ANKRD50: variants seen among roughly 807,000 people sequenced by gnomAD.
The protein encoded by ANKRD50 is ankyrin repeat domain-containing protein 50.
In ANKRD50, 40 loss-of-function variants were observed where a neutral mutation model predicts 112.0. The observed-to-expected ratio is 0.36, with a 90% CI of 0.28 to 0.46. ANKRD50 has a LOEUF of 0.46. Among genes scored for constraint, ANKRD50 ranks in the 20% least tolerant of loss-of-function variants. ANKRD50 has a pLI of 1.00. For synonymous variants in ANKRD50, 613 were observed against 619.1 expected (o/e 0.99, Z 0.15); for missense variants, 1,487 against 1,701.7 (o/e 0.87, Z 2.22).
intron 2 of ANKRD50, among the ~76,000 whole-genome samples, chr4:124,687,828 T>A (rs1266446225): frequency 6.6e-6 from 1 of 152,162 alleles, no homozygotes; most frequent in African/African-American, 2.4e-5. Flanking sequence ...TAGACACCTA[T>A]TAGAATTGTG....
chr4:124,686,408 G>T lies in ANKRD50; in HGVS notation c.513-7503C>A, dbSNP rs887090017. 2.6e-5 allele frequency among the ~76,000 whole-genome samples: 4 copies of T among 152,074 alleles called. No individual in the cohort carries two copies. In the East Asian group the frequency reaches 7.7e-4, roughly 29 times the overall value. On this transcript the variant is annotated intron_variant, in intron 2 of 4. Transcript: ENST00000504087. ...CCACTGATAAAGAGCGTTCACACTC[G>T]CTTGCTGCCTTTTCTCTACTGACCC...
Position 124,665,413 on chromosome 4 carries a change from A to C in ANKRD50, c.*2105T>G, listed in dbSNP as rs1473519526. The C allele has an allele frequency of 1.3e-5, 2 of 152,366 alleles. No individual in the cohort carries two copies. The highest frequency in any genetic ancestry group is 1.5e-5 in the Non-Finnish European group (1 of 67,864). 9.4% of individuals were successfully genotyped at this position (152,366 alleles called of 1,614,324 possible). On this transcript the variant is annotated 3_prime_UTR_variant, in exon 5 of 5. Transcript: ENST00000504087. ...CTTCGCCCTTTGGACACAAGGTGCA[A>C]TTTTGTAAAAACAATAAAATTAAAT...
intron 2 of ANKRD50, among the ~76,000 whole-genome samples, chr4:124,699,328 C>T (rs1725335292): frequency 6.6e-6 from 1 of 151,568 alleles, no homozygotes; most frequent in South Asian, 2.1e-4. Flanking sequence ...CACTGAAATG[C>T]TTCAGGGGAT....
intron 2 of ANKRD50, among the ~76,000 whole-genome samples, chr4:124,680,664 A>C (rs777984682): frequency 1.3e-4 from 20 of 152,192 alleles, no homozygotes; most frequent in Non-Finnish European, 2.4e-4. Context: ...AGAGAACACA[A>C]TATACTAGAA....
chr4:124,689,823 A>G (rs1175205279), intron 2 of ANKRD50, among the ~76,000 whole-genome samples: 1 of 152,182 alleles, frequency 6.6e-6, no homozygotes, highest in East Asian at 1.9e-4. Flanking sequence ...ATCTCTTTTA[A>G]TACATATATG....
In ANKRD50 at chr4:124,691,498, C is replaced by CAAAAA. The variant is rs71583369; in HGVS notation, c.513-12598_513-12594dup. Among the ~76,000 whole-genome samples, 42 of 59,762 alleles carry CAAAAA rather than the reference C, an allele frequency of 7.0e-4. 4 individuals are homozygous for CAAAAA. Among genetic ancestry groups the CAAAAA allele is most frequent in the East Asian group, 3.3e-3 (5 of 1,494 alleles). The allele number at this position is 59,762 out of a possible 152,430, so 39.2% of individuals were successfully genotyped here. A position where few individuals can be genotyped will look rare whatever the true frequency, so the allele number is the denominator to read the frequency against. On this transcript the variant is annotated intron_variant, in intron 2 of 4. Coordinates refer to ENST00000504087, the MANE Select transcript of ANKRD50 (RefSeq NM_020337.3). ...TGGGCGACAGAGCGAGACTCCGTCT[C>CAAAAA]AAAAAAAAAAAAAAAAAAAAAAAAA...
intron 2 of ANKRD50, among the ~76,000 whole-genome samples, chr4:124,695,357 A>C (rs1007291742): frequency 6.6e-6 from 1 of 152,214 alleles, no homozygotes; most frequent in Non-Finnish European, 1.5e-5. Context: ...TTAGTTACAG[A>C]CTAAGAATCA....
At position 124,664,257 on chromosome 4, in the gene ANKRD50, G is replaced by C. The variant is rs917527713; in HGVS notation, c.*3261C>G. On this transcript the variant is annotated 3_prime_UTR_variant, in exon 5 of 5. Coordinates refer to ENST00000504087, the MANE Select transcript of ANKRD50 (RefSeq NM_020337.3). ...ATATAATCAGTCACGGGGGGGAAAA[G>C]AACATTAAGTCTTTAAAAAGGCTTA... 3 of 151,406 alleles carry C rather than the reference G, an allele frequency of 2.0e-5. No individual in the cohort carries two copies. Among genetic ancestry groups the C allele is most frequent in the African/African-American group, 7.3e-5 (3 of 41,208 alleles). The allele number at this position is 151,406 out of a possible 1,614,324, so 9.4% of individuals were successfully genotyped here.
rs1730652997 is a variant in ANKRD50, at chr4:124,671,531, G to A, written c.1746C>T (p.Leu582=). The A allele has an allele frequency of 1.2e-6, 2 of 1,613,778 alleles. No individual in the cohort carries two copies. Among genetic ancestry groups the A allele is most frequent in the African/African-American group, 1.3e-5 (1 of 74,980 alleles). The change falls in exon 4 of 5, where the codon CTC becomes CTT. Residue 582 remains leucine, a synonymous_variant. Coordinates refer to ENST00000504087, the MANE Select transcript of ANKRD50 (RefSeq NM_020337.3). ...EIEDAHGHTP[L]TLAARQGHTK... is the part of the protein sequence containing the mutation. ...TATGTCCCTGTCTAGCCGCTAGAGTGAGTGGTGTATGTCCATGAGCATCTT... is the reference window on the plus strand; with the variant it reads ...TATGTCCCTGTCTAGCCGCTAGAGTAAGTGGTGTATGTCCATGAGCATCTT...
chr4:124,683,535 G>GT (rs1724939243), intron 2 of ANKRD50, among the ~76,000 whole-genome samples: 1 of 151,324 alleles, frequency 6.6e-6, no homozygotes, highest in African/African-American at 2.4e-5. Context: ...TTCTATTTAT[G>GT]TACCCCTTCA....
rs780916344 is a variant in ANKRD50 at position 124,672,544 on chromosome 4, A to C, written c.743-10T>G. 1.1e-5 allele frequency: 17 copies of C among 1,546,498 alleles called. No individual in the cohort carries two copies. The Admixed American group carries it at 3.6e-4, about 33-fold the overall frequency. ...CTTATTTTTCGAAAACCTAAAGAAGAGATAAAAAAGTAGATGTAATCAGTT... is the reference window on the plus strand; with the variant it reads ...CTTATTTTTCGAAAACCTAAAGAAGCGATAAAAAAGTAGATGTAATCAGTT... On this transcript the variant is annotated splice_polypyrimidine_tract_variant and intron_variant, in intron 3 of 4. Transcript: ENST00000504087.
intron 2 of ANKRD50, among the ~76,000 whole-genome samples, chr4:124,703,019 C>A (rs1725424957): frequency 1.3e-5 from 2 of 151,580 alleles, no homozygotes; most frequent in Non-Finnish European, 1.5e-5. Flanking sequence ...AGATAGCAAT[C>A]AAATCTGCGT....
At chr4:124,698,917 C>T (rs770775847) in intron 2 of ANKRD50, among the ~76,000 whole-genome samples, 2 of 152,066 alleles carry the variant, frequency 1.3e-5, no homozygotes, top group Non-Finnish European at 2.9e-5. Context: ...AGACTGAACA[C>T]ATCTGTGATT....
chr4:124,670,023 G>A lies in ANKRD50; in HGVS notation c.3254C>T (p.Ala1085Val), dbSNP rs1730597205. ...TATCTGAGAATGTCCATTTTTGGCT[G>A]CAACACGCATAGCAGTGCGTCCAAA... ...DQFGRTAMRV[A>V]AKNGHSQIIK... is the part of the protein sequence containing the mutation. The change falls in exon 4 of 5, where the codon GCA (alanine) becomes GTA (valine). Residue 1085 changes from alanine to valine, a missense_variant. Coordinates refer to ENST00000504087, the MANE Select transcript of ANKRD50 (RefSeq NM_020337.3). The A allele has an allele frequency of 6.2e-7, 1 of 1,610,064 alleles. No individual in the cohort carries two copies. Among genetic ancestry groups the A allele is most frequent in the East Asian group, 2.2e-5 (1 of 44,840 alleles).
intron 2 of ANKRD50, among the ~76,000 whole-genome samples, chr4:124,679,285 C>G (rs1408096866): frequency 1.3e-5 from 2 of 152,084 alleles, no homozygotes; most frequent in African/African-American, 2.4e-5. Context: ...GAAAACAAAA[C>G]AAACTCTGGG....
intron 2 of ANKRD50, among the ~76,000 whole-genome samples, chr4:124,684,047 T>C (rs536304690): frequency 2.6e-5 from 4 of 152,284 alleles, no homozygotes; most frequent in African/African-American, 9.6e-5. Flanking sequence ...CAAGCACTTA[T>C]ATCTCTGCTT....
At chr4:124,692,003 C>A (rs755692153) in intron 2 of ANKRD50, among the ~76,000 whole-genome samples, 15 of 152,282 alleles carry the variant, frequency 9.9e-5, no homozygotes, top group Middle Eastern at 3.4e-3. Flanking sequence ...AAGCCGAAGT[C>A]AAAATGCAGG....
intron 3 of ANKRD50, among the ~76,000 whole-genome samples, chr4:124,672,951 T>A (rs1015168820): frequency 1.3e-5 from 2 of 152,090 alleles, no homozygotes; most frequent in African/African-American, 4.8e-5. Flanking sequence ...ATAAATAATT[T>A]ATATATTTTC....
At chr4:124,690,814 G>T (rs561170951) in intron 2 of ANKRD50, among the ~76,000 whole-genome samples, 1 of 152,298 alleles carries the variant, frequency 6.6e-6, no homozygotes, top group South Asian at 2.1e-4. Flanking sequence ...CCACTGACTT[G>T]TGTGAGAGAT....
Sources: gnomAD v4.1 joint callset for allele counts (sites outside exome capture counted in the v4.1 genomes callset) on GRCh38, gnomAD v4.1.1 for gene constraint, MANE v1.5 for transcripts, NCBI Gene and HGNC (gene_info 2026-07-23, HGNC 2026-07-21) for gene names.